SYNPO2: variants seen among roughly 807,000 people sequenced by gnomAD.
SYNPO2 encodes synaptopodin 2.
A neutral mutation model predicts 85.0 loss-of-function variants in SYNPO2; 56 were observed. That is an observed-to-expected ratio of 0.66 (90% confidence interval 0.53 to 0.82). SYNPO2 has a LOEUF of 0.82. Ranked by LOEUF, SYNPO2 falls within the 40% of genes least tolerant of loss-of-function variation. SYNPO2 has a pLI of 0.00. For synonymous variants in SYNPO2, 602 were observed against 591.1 expected, an observed-to-expected ratio of 1.02 and a Z score of -0.27; for missense variants, 1,575 against 1,534.2, an observed-to-expected ratio of 1.03 and a Z score of -0.44.
At chr4:119,007,239 T>TGTATATAC (rs1737081231) in intron 1 of SYNPO2, among the ~76,000 whole-genome samples, 3 of 42,932 alleles carry the variant, frequency 7.0e-5, no homozygotes, top group African/African-American at 2.9e-4. Context: ...TATATATATA[T>TGTATATAC]ATATATGTAT....
rs1021402618 is a variant in SYNPO2 at position 118,888,934 on chromosome 4, T to C, written c.-103T>C. 5.1e-6 allele frequency: 6 copies of C among 1,186,036 alleles called. No individual in the cohort carries two copies. In the African/African-American group the frequency reaches 9.1e-5, roughly 18 times the overall value. The allele number at this position is 1,186,036 out of a possible 1,614,324, so 73.5% of individuals were successfully genotyped here. Reference sequence around the variant, plus strand: ...GGCGGACGCTCTGCATTACCCAGTCTTGCGTCCTCGGCAGGCGCCCGAAGC... The same window carrying C: ...GGCGGACGCTCTGCATTACCCAGTCCTGCGTCCTCGGCAGGCGCCCGAAGC... On this transcript the variant is annotated 5_prime_UTR_variant, in exon 1 of 5. Coordinates refer to ENST00000307142, the MANE Select transcript of SYNPO2 (RefSeq NM_133477.3).
chr4:118,979,620 C>G (rs1207224100), intron 1 of SYNPO2, among the ~76,000 whole-genome samples: 1 of 152,150 alleles, frequency 6.6e-6, no homozygotes, highest in Non-Finnish European at 1.5e-5. Context: ...GATATGTGCT[C>G]AGTAAATATT....
In SYNPO2 at chr4:119,027,346, T is replaced by A. The variant is rs1368827410; in HGVS notation, c.977T>A (p.Phe326Tyr). The A allele has an allele frequency of 6.2e-7, 1 of 1,613,900 alleles. No individual in the cohort carries two copies. The highest frequency in any genetic ancestry group is 1.3e-5 in the African/African-American group (1 of 74,892). ...QSEAPPSLVS[F>Y]AVSSEGTEQG... is the part of the protein sequence containing the mutation. ...GAAGCACCTCCTTCTCTGGTATCCT[T>A]TGCCGTCTCATCAGAAGGCACAGAG... The change falls in exon 3 of 5, where the codon TTT becomes TAT. Residue 326 changes from phenylalanine to tyrosine, a missense_variant. Coordinates refer to ENST00000307142, the MANE Select transcript of SYNPO2 (RefSeq NM_133477.3).
At position 119,030,459 on chromosome 4, in the gene SYNPO2, G is replaced by A; in HGVS notation, c.1684G>A (p.Gly562Ser). The change falls in exon 4 of 5, where the codon GGC becomes AGC. Residue 562 changes from glycine (G) to serine (S), a missense_variant. Around this residue, in one of 3 missense-constraint regions of SYNPO2, gnomAD observed 1,508 missense variants for 1,446.8 expected, o/e 1.04. Transcript: ENST00000307142. ...KSYIEVSHGL[G>S]HVPQQNGFSG... ...CTACATCGAGGTGAGTCATGGTCTT[G>A]GCCATGTTCCCCAACAGAATGGCTT... is the stretch of plus-strand genomic sequence containing the variant. 6.2e-7 allele frequency: 1 copy of A among 1,614,130 alleles called. No homozygotes were observed. Among genetic ancestry groups the A allele is most frequent in the South Asian group, 1.1e-5 (1 of 91,086 alleles).
chr4:118,932,957 C>T (rs555283610), intron 1 of SYNPO2, among the ~76,000 whole-genome samples: 59 of 152,140 alleles, frequency 3.9e-4, no homozygotes, highest in African/African-American at 1.3e-3. Flanking sequence ...CCTGAAAATT[C>T]ACAATTTTAT....
chr4:118,961,877 G>C (rs1448314864), intron 1 of SYNPO2, among the ~76,000 whole-genome samples: 1 of 152,098 alleles, frequency 6.6e-6, no homozygotes, highest in Admixed American at 6.6e-5. Context: ...ATTTTTTCTA[G>C]CCCTTGTCCA....
chr4:118,890,733 C>G (rs1365552), intron 1 of SYNPO2, among the ~76,000 whole-genome samples: 1,404 of 126,152 alleles, frequency 0.011, 17 homozygotes, highest in African/African-American at 0.022. Context: ...CTCTCTCTCT[C>G]TGTGTGTGTG....
At chr4:118,990,949 T>C (rs1364983323) in intron 1 of SYNPO2, among the ~76,000 whole-genome samples, 2 of 152,082 alleles carry the variant, frequency 1.3e-5, no homozygotes, top group Non-Finnish European at 2.9e-5. Flanking sequence ...ATTCAGGGGC[T>C]TCCGGCAAGA....
At chr4:118,927,225 A>G (rs949080339) in intron 1 of SYNPO2, among the ~76,000 whole-genome samples, 1 of 152,166 alleles carries the variant, frequency 6.6e-6, no homozygotes, top group Non-Finnish European at 1.5e-5. Flanking sequence ...GAGAGGCAAG[A>G]TGAAATTTCT....
intron 1 of SYNPO2, among the ~76,000 whole-genome samples, chr4:118,895,959 C>T (rs1014911130): frequency 1.3e-5 from 2 of 152,168 alleles, no homozygotes; most frequent in African/African-American, 4.8e-5. Flanking sequence ...TATGTTATCT[C>T]TTTTAATATT....
intron 4 of SYNPO2, chr4:119,034,539 T>G: frequency 1.0e-6 from 1 of 985,528 alleles, no homozygotes; most frequent in Non-Finnish European, 1.2e-6. Flanking sequence ...GTAAGAGGCA[T>G]GTCAGGCATG....
At position 118,988,803 on chromosome 4, in the gene SYNPO2, C is replaced by T. The variant is rs370215657; in HGVS notation, c.106-34627C>T. On this transcript the variant is annotated intron_variant, in intron 1 of 4. Coordinates refer to ENST00000307142, the MANE Select transcript of SYNPO2 (RefSeq NM_133477.3). ...CCCAAGCACAGTGCCGGCATCTCTG[C>T]GAAGGTTGGTGGCCAAGGAGCCTCC... 9.9e-5 allele frequency among the ~76,000 whole-genome samples: 15 copies of T among 152,236 alleles called. No homozygotes were observed. The South Asian group carries it at 3.1e-3, about 32-fold the overall frequency.
chr4:119,010,791 ACAAT>A (rs1737268564), intron 1 of SYNPO2, among the ~76,000 whole-genome samples: 1 of 152,264 alleles, frequency 6.6e-6, no homozygotes, highest in South Asian at 2.1e-4. Flanking sequence ...CACATTAAAG[ACAAT>A]CAGTTAATAT....
chr4:118,940,559 A>G (rs932208299), intron 1 of SYNPO2, among the ~76,000 whole-genome samples: 1 of 151,966 alleles, frequency 6.6e-6, no homozygotes, highest in Non-Finnish European at 1.5e-5. Context: ...TATTGGACTG[A>G]GGACAAGATG....
chr4:118,917,732 G>A (rs774365733), intron 1 of SYNPO2, among the ~76,000 whole-genome samples: 3 of 152,116 alleles, frequency 2.0e-5, no homozygotes, highest in Non-Finnish European at 4.4e-5. Context: ...CTGTAAGAAC[G>A]ATTTTGTGTT....
chr4:118,876,667 CTCTTTCTTT>C (rs1731918400), intron 1 of SYNPO2, among the ~76,000 whole-genome samples: 30 of 112,092 alleles, frequency 2.7e-4, no homozygotes, highest in Non-Finnish European at 4.5e-4. Context: ...TCCTTCCTTT[CTCTTTCTTT>C]CTTTCTTTCT....
At chr4:118,860,457 T>A (rs924223376) in intron 1 of SYNPO2, among the ~76,000 whole-genome samples, 2 of 152,010 alleles carry the variant, frequency 1.3e-5, no homozygotes, top group Non-Finnish European at 2.9e-5. Context: ...TTGCCCAGGG[T>A]GGTCTCAAAC....
intron 4 of SYNPO2, chr4:119,044,012 A>G (rs904881327): frequency 1.3e-5 from 2 of 151,650 alleles, no homozygotes; most frequent in African/African-American, 4.8e-5. Flanking sequence ...GCCATGGGCA[A>G]AATTAAGTAT....
intron 1 of SYNPO2, among the ~76,000 whole-genome samples, chr4:119,022,468 C>T (rs1737757447): frequency 6.8e-6 from 1 of 147,174 alleles, no homozygotes; most frequent in African/African-American, 2.5e-5. Context: ...GCTAGGATCA[C>T]AGGCATGCAC....
Sources: gnomAD v4.1 joint callset for allele counts (sites outside exome capture counted in the v4.1 genomes callset) on GRCh38, gnomAD v4.1.1 for gene constraint, gnomAD v4.1.1 regional missense constraint, MANE v1.5 for transcripts, NCBI Gene and HGNC (gene_info 2026-07-23, HGNC 2026-07-21) for gene names.